The following PHKB variants were observed in gnomAD, a reference collection of about 807,000 sequenced individuals.
PHKB encodes phosphorylase b kinase regulatory subunit beta.
PHKB carries 122 observed loss-of-function variants against 152.1 expected under a neutral mutation model. The observed-to-expected ratio is 0.80, with a 90% CI of 0.69 to 0.93. The LOEUF is 0.93. PHKB is among the 40% of genes least tolerant of loss of function. The pLI is 0.00. For synonymous variants in PHKB, 436 were observed against 464.9 expected (o/e 0.94, Z 0.80); for missense variants, 1,304 against 1,328.4 (o/e 0.98, Z 0.29).
chr16:47,469,731 T>C lies in PHKB; in HGVS notation c.76+8305T>C, dbSNP rs11866307. On this transcript the variant is annotated intron_variant, in intron 1 of 30. Transcript: ENST00000323584. ...ACGTAATATACCCAGGTAACAAACTTGCACGTGTACCCCTAAACCTAAAAC... is the reference window on the plus strand; with the variant it reads ...ACGTAATATACCCAGGTAACAAACTCGCACGTGTACCCCTAAACCTAAAAC... 7.5e-3 allele frequency among the ~76,000 whole-genome samples: 1,138 copies of C among 152,222 alleles called. 17 individuals carry two copies. Among genetic ancestry groups the C allele is most frequent in the African/African-American group, 0.026 (1,078 of 41,520 alleles).
intron 14 of PHKB, among the ~76,000 whole-genome samples, chr16:47,633,039 A>G (rs1219802502): frequency 6.6e-6 from 1 of 152,218 alleles, no homozygotes; most frequent in Admixed American, 6.5e-5. Flanking sequence ...AATTTAGGTT[A>G]TGTGGGGTTT....
At chr16:47,668,505 G>A (rs1254155924) in intron 25 of PHKB, among the ~76,000 whole-genome samples, 1 of 152,218 alleles carries the variant, frequency 6.6e-6, no homozygotes, top group African/African-American at 2.4e-5. Flanking sequence ...TCCCCTGGGA[G>A]AAGAATGCCA....
chr16:47,541,021 A>T (rs1397409763), intron 6 of PHKB, among the ~76,000 whole-genome samples: 2 of 151,608 alleles, frequency 1.3e-5, no homozygotes, highest in Non-Finnish European at 2.9e-5. Flanking sequence ...TTATACTTTA[A>T]GTTCTAGGGT....
In PHKB at chr16:47,511,714, T is replaced by C. The variant is rs755124053; in HGVS notation, c.455T>C (p.Val152Ala). Residue 152 changes from valine (V) to alanine (A), a missense_variant, in exon 5 of 31, where the codon GTT (valine) becomes GCT (alanine). By Grantham distance (64) the Val-to-Ala change is moderately conservative. Transcript: ENST00000323584. ...CGCCCAACAACATGTCTTCACTCTGTTTTCAATGTGCATACAGGAGATGAG... is the reference window on the plus strand; with the variant it reads ...CGCCCAACAACATGTCTTCACTCTGCTTTCAATGTGCATACAGGAGATGAG... ...DPRPTTCLHSVFNVHTGDELL... is the reference protein window; with the variant it reads ...DPRPTTCLHSAFNVHTGDELL... 22 of 1,613,448 alleles carry C rather than the reference T, an allele frequency of 1.4e-5. No individual in the cohort carries two copies. Among genetic ancestry groups the C allele is most frequent in the Non-Finnish European group, 1.8e-5 (21 of 1,179,486 alleles).
rs546386954 is a variant in PHKB, at chr16:47,542,814, T to A, written c.595-4619T>A. Among the ~76,000 whole-genome samples, 3 of 152,300 alleles carry A rather than the reference T, an allele frequency of 2.0e-5. No homozygotes were observed. In the South Asian group the frequency reaches 6.2e-4, roughly 32 times the overall value. On this transcript the variant is annotated intron_variant, in intron 6 of 30. Coordinates refer to ENST00000323584, the MANE Select transcript of PHKB (RefSeq NM_000293.3). Reference sequence around the variant, plus strand: ...TGGCTCTCTGTTTGTCTGTTATTGGTGTATAAGAATGCTTGTGATTTTTGC... The same window carrying A: ...TGGCTCTCTGTTTGTCTGTTATTGGAGTATAAGAATGCTTGTGATTTTTGC...
At chr16:47,519,064 G>A (rs1385572258) in intron 6 of PHKB, among the ~76,000 whole-genome samples, 1 of 152,168 alleles carries the variant, frequency 6.6e-6, no homozygotes, top group Non-Finnish European at 1.5e-5. Context: ...TCTTATGGAA[G>A]TTGTTAAGAG....
At chr16:47,610,607 C>T (rs1972409430) in intron 13 of PHKB, among the ~76,000 whole-genome samples, 1 of 152,028 alleles carries the variant, frequency 6.6e-6, no homozygotes, top group African/African-American at 2.4e-5. Flanking sequence ...ATTCCATTCC[C>T]TTGTGGTCAG....
chr16:47,520,709 T>C (rs1970671233), intron 6 of PHKB, among the ~76,000 whole-genome samples: 1 of 152,206 alleles, frequency 6.6e-6, no homozygotes, highest in Admixed American at 6.5e-5. Flanking sequence ...ATTTATTGAG[T>C]TTCCATAATG....
chr16:47,621,704 T>A (rs1161282196), intron 14 of PHKB, among the ~76,000 whole-genome samples: 2 of 152,210 alleles, frequency 1.3e-5, no homozygotes, highest in East Asian at 3.8e-4. Flanking sequence ...TATGATTATC[T>A]TAGTAAAACA....
chr16:47,537,913 G>A (rs930931838), intron 6 of PHKB, among the ~76,000 whole-genome samples: 2 of 147,872 alleles, frequency 1.4e-5, no homozygotes, highest in African/African-American at 5.3e-5. Flanking sequence ...TTTTTAAGTT[G>A]AGGCAAGGTC....
chr16:47,692,059 C>G (rs1184380825), intron 27 of PHKB, among the ~76,000 whole-genome samples: 2 of 152,176 alleles, frequency 1.3e-5, no homozygotes, highest in Admixed American at 1.3e-4. Context: ...TGAGCTTTGT[C>G]ACTTTGGTGA....
chr16:47,571,795 C>G (rs964402770), intron 7 of PHKB, among the ~76,000 whole-genome samples: 2 of 152,156 alleles, frequency 1.3e-5, no homozygotes, highest in African/African-American at 2.4e-5. Flanking sequence ...CCACGGAGCC[C>G]AGTACTGCAC....
At position 47,557,556 on chromosome 16, in the gene PHKB, A is replaced by C. The variant is rs577245628; in HGVS notation, c.710+10008A>C. ...TGACAAGAAAAAAACAAACAACCCC[A>C]TCAAAAAGTGGGCAAAGGACATGAA... On this transcript the variant is annotated intron_variant, in intron 7 of 30. Transcript: ENST00000323584. Among the ~76,000 whole-genome samples, 284 of 152,340 alleles carry C rather than the reference A, an allele frequency of 1.9e-3. 3 individuals carry two copies. The highest frequency in any genetic ancestry group is 6.6e-3 in the African/African-American group (273 of 41,568).
chr16:47,627,622 AATCCAAT>A, intron 14 of PHKB, among the ~76,000 whole-genome samples: 1 of 152,352 alleles, frequency 6.6e-6, no homozygotes, highest in African/African-American at 2.4e-5. Flanking sequence ...TATAATCACT[AATCCAAT>A]ATATAAATAC....
chr16:47,516,616 ACACT>A (rs1226918595), intron 6 of PHKB, among the ~76,000 whole-genome samples: 4 of 152,192 alleles, frequency 2.6e-5, no homozygotes, highest in Non-Finnish European at 5.9e-5. Flanking sequence ...ATTACATCAG[ACACT>A]CAACACCAAA....
chr16:47,550,920 C>T (rs756913475), intron 7 of PHKB, among the ~76,000 whole-genome samples: 4 of 152,078 alleles, frequency 2.6e-5, no homozygotes, highest in Non-Finnish European at 5.9e-5. Flanking sequence ...TTCAGGGATT[C>T]GACTTCTTCC....
At chr16:47,596,947 A>G (rs183480446) in intron 13 of PHKB, among the ~76,000 whole-genome samples, 1 of 152,228 alleles carries the variant, frequency 6.6e-6, no homozygotes, top group East Asian at 1.9e-4. Context: ...TCTTTCCAAT[A>G]AATATATATT....
chr16:47,582,999 G>A (rs553503600), intron 8 of PHKB, among the ~76,000 whole-genome samples: 42 of 152,244 alleles, frequency 2.8e-4, no homozygotes, highest in African/African-American at 1.0e-3. Context: ...GTTTCACCAC[G>A]TTGGCCAGGC....
chr16:47,566,150 G>A (rs757128710), intron 7 of PHKB: 23 of 645,538 alleles, frequency 3.6e-5, no homozygotes, highest in Non-Finnish European at 5.9e-5. Context: ...GATCCCAGTC[G>A]CCGTATCAAT....
Sources: allele counts gnomAD v4.1 joint callset (sites outside exome capture counted in the v4.1 genomes callset), GRCh38; gene constraint gnomAD v4.1.1; transcripts MANE v1.5; gene names NCBI Gene and HGNC (gene_info 2026-07-23, HGNC 2026-07-21).